Variants in XKR4 observed in about 807,000 individuals in gnomAD.
XKR4 encodes the protein XK-related protein 4.
In XKR4, 12 loss-of-function variants were observed where a neutral mutation model predicts 53.9. That is an observed-to-expected ratio of 0.22 (90% confidence interval 0.14 to 0.36). The LOEUF is 0.36. Among genes scored for constraint, XKR4 ranks in the 10% least tolerant of loss-of-function variants. XKR4 has a pLI of 1.00. For missense variants in XKR4, 799 were observed against 859.5 expected (o/e 0.93, Z 0.88); for synonymous variants, 354 against 362.4 (o/e 0.98, Z 0.26).
chr8:55,116,417 C>T (rs752859229), intron 1 of XKR4, among the ~76,000 whole-genome samples: 1 of 152,124 alleles, frequency 6.6e-6, no homozygotes, highest in South Asian at 2.1e-4. Flanking sequence ...ACAGTGACCC[C>T]TGAGGCCCAC....
chr8:55,454,714 A>T, intron 2 of XKR4: 1 of 836,456 alleles, frequency 1.2e-6, no homozygotes, highest in Non-Finnish European at 2.1e-6. Context: ...GGCATAGATG[A>T]GGCCGAGGCT....
At chr8:55,140,243 C>A in intron 1 of XKR4, 1 of 328,048 alleles carries the variant, frequency 3.0e-6, no homozygotes, top group South Asian at 2.5e-5. Context: ...AGTTTCAAAT[C>A]ATAGATTCCA....
At chr8:55,348,832 A>G (rs1323625606) in intron 1 of XKR4, among the ~76,000 whole-genome samples, 1 of 152,180 alleles carries the variant, frequency 6.6e-6, no homozygotes, top group Non-Finnish European at 1.5e-5. Context: ...ACATAGAGAT[A>G]TAGACAGATA....
chr8:55,495,433 A>T (rs1454663103), intron 2 of XKR4, among the ~76,000 whole-genome samples: 1 of 152,206 alleles, frequency 6.6e-6, no homozygotes, highest in Non-Finnish European at 1.5e-5. Context: ...ATGGAGCATG[A>T]ACCCCCAGCT....
intron 1 of XKR4, among the ~76,000 whole-genome samples, chr8:55,124,077 C>G (rs143747210): frequency 1.9e-3 from 282 of 152,302 alleles, no homozygotes; most frequent in African/African-American, 6.4e-3. Flanking sequence ...CCCATACCCT[C>G]TCTCTGCCCT....
At chr8:55,126,449 A>T (rs749424694) in intron 1 of XKR4, among the ~76,000 whole-genome samples, 1 of 152,228 alleles carries the variant, frequency 6.6e-6, no homozygotes, top group East Asian at 1.9e-4. Flanking sequence ...TGGTTCTGCA[A>T]TCCCTCCAGA....
At position 55,499,422 on chromosome 8, in the gene XKR4, G is replaced by A. The variant is rs115245912; in HGVS notation, c.1007-23859G>A. On this transcript the variant is annotated intron_variant, in intron 2 of 2. Coordinates refer to ENST00000327381, the MANE Select transcript of XKR4 (RefSeq NM_052898.2). ...ATGTGACACACATCAGATAGTCCTT[G>A]GGACCCCAAGGACAGAGTTATTCCA... Among the ~76,000 whole-genome samples, 633 of 152,232 alleles carry A rather than the reference G, an allele frequency of 4.2e-3. 3 individuals are homozygous for A. Among genetic ancestry groups the A allele is most frequent in the African/African-American group, 0.014 (579 of 41,506 alleles).
At chr8:55,295,535 CTG>C (rs986558800) in intron 1 of XKR4, among the ~76,000 whole-genome samples, 2 of 152,130 alleles carry the variant, frequency 1.3e-5, no homozygotes, top group African/African-American at 4.8e-5. Context: ...TTGCATGAAA[CTG>C]TAAATAATTC....
At chr8:55,292,444 T>C (rs1178945049) in intron 1 of XKR4, among the ~76,000 whole-genome samples, 1 of 152,162 alleles carries the variant, frequency 6.6e-6, no homozygotes, top group African/African-American at 2.4e-5. Flanking sequence ...TGTACAGAAT[T>C]GTTCATACCA....
chr8:55,192,058 C>A (rs2129361090), intron 1 of XKR4, among the ~76,000 whole-genome samples: 1 of 151,676 alleles, frequency 6.6e-6, no homozygotes, highest in South Asian at 2.1e-4. Flanking sequence ...TACTTGTTGA[C>A]AATTTACAAC....
intron 1 of XKR4, among the ~76,000 whole-genome samples, chr8:55,202,625 T>A (rs1377772745): frequency 6.6e-6 from 1 of 152,238 alleles, no homozygotes; most frequent in Admixed American, 6.5e-5. Context: ...GTCTGGGGTT[T>A]GCTGGGCTCC....
intron 1 of XKR4, among the ~76,000 whole-genome samples, chr8:55,151,012 A>G (rs1277398524): frequency 6.6e-6 from 1 of 152,174 alleles, no homozygotes; most frequent in Admixed American, 6.5e-5. Flanking sequence ...TCCATCTCTA[A>G]TTTTGGCAAT....
At chr8:55,331,302 G>A (rs1007322233) in intron 1 of XKR4, among the ~76,000 whole-genome samples, 2 of 152,046 alleles carry the variant, frequency 1.3e-5, no homozygotes, top group South Asian at 2.1e-4. Context: ...TTATTCCATT[G>A]TGATTAGAAA....
chr8:55,204,067 GT>G (rs1384806756), intron 1 of XKR4, among the ~76,000 whole-genome samples: 1 of 152,138 alleles, frequency 6.6e-6, no homozygotes, highest in Non-Finnish European at 1.5e-5. Context: ...CTGGAGTACA[GT>G]GGTGTAATCA....
chr8:55,212,932 C>A (rs13272822), intron 1 of XKR4, among the ~76,000 whole-genome samples: 24,867 of 152,098 alleles, frequency 0.16, 2,402 homozygotes, highest in Non-Finnish European at 0.22. Flanking sequence ...GGAATACCAA[C>A]ATAAAATTTA....
chr8:55,277,258 T>A (rs2129373316), intron 1 of XKR4, among the ~76,000 whole-genome samples: 1 of 152,330 alleles, frequency 6.6e-6, no homozygotes, highest in African/African-American at 2.4e-5. Context: ...TCCATGATGC[T>A]AAGGTGCTAC....
At chr8:55,467,197 C>A (rs1805788215) in intron 2 of XKR4, among the ~76,000 whole-genome samples, 2 of 152,082 alleles carry the variant, frequency 1.3e-5, no homozygotes, top group African/African-American at 4.8e-5. Context: ...GTAGCCATCT[C>A]CACAATAGGA....
chr8:55,268,333 A>C (rs1818640428), intron 1 of XKR4, among the ~76,000 whole-genome samples: 1 of 152,190 alleles, frequency 6.6e-6, no homozygotes, highest in Admixed American at 6.5e-5. Context: ...TTTTAAACAG[A>C]ATTTATTTCT....
intron 1 of XKR4, among the ~76,000 whole-genome samples, chr8:55,234,184 C>G (rs575271046): frequency 4.6e-5 from 7 of 152,288 alleles, no homozygotes; most frequent in African/African-American, 1.7e-4. Context: ...TTTTAACAGC[C>G]TGGAGCTGCT....
Sources: allele counts gnomAD v4.1 joint callset (sites outside exome capture counted in the v4.1 genomes callset), GRCh38; gene constraint gnomAD v4.1.1; transcripts MANE v1.5; gene names NCBI Gene and HGNC (gene_info 2026-07-23, HGNC 2026-07-21).